IQCH: variants seen among roughly 807,000 people sequenced by gnomAD.
IQCH encodes the protein IQ motif containing H.
A neutral mutation model predicts 117.0 loss-of-function variants in IQCH; 98 were observed. The observed-to-expected ratio is 0.84, with a 90% CI of 0.71 to 0.99. The LOEUF is 0.99. Among genes scored for constraint, IQCH ranks in the 50% least tolerant of loss-of-function variants. The pLI, the probability that IQCH is intolerant of heterozygous loss-of-function variation, is 0.00. For missense variants in IQCH, 1,102 were observed against 1,243.8 expected (o/e 0.89, Z 1.72); for synonymous variants, 412 against 448.2 (o/e 0.92, Z 1.02).
At position 67,500,453 on chromosome 15, in the gene IQCH, C is replaced by A. The variant is rs1172588766; in HGVS notation, c.2971-180C>A. Among the ~76,000 whole-genome samples, 2 of 152,126 alleles carry A rather than the reference C, an allele frequency of 1.3e-5. No individual in the cohort carries two copies. The highest frequency in any genetic ancestry group is 2.9e-5 in the Non-Finnish European group (2 of 68,008). On this transcript the variant is annotated intron_variant, in intron 20 of 20. Transcript: ENST00000335894. The surrounding 1 kb of genome is among the most constrained non-coding windows in gnomAD (Gnocchi z 4.4). ...AAAAAGTTTTCCAAATTCTTACTCT[C>A]AATTTTTTTACTCATTTCAGCAAGA...
chr15:67,488,111 G>C (rs921512532), intron 18 of IQCH, among the ~76,000 whole-genome samples: 2 of 152,126 alleles, frequency 1.3e-5, no homozygotes, highest in East Asian at 1.9e-4. Flanking sequence ...CCAGCAGTTC[G>C]AGACCAGCCT....
At position 67,254,960 on chromosome 15, in the gene IQCH, C is replaced by T; in HGVS notation, c.51+13C>T. 6.2e-7 allele frequency: 1 copy of T among 1,611,592 alleles called. No individual in the cohort carries two copies. Among genetic ancestry groups the T allele is most frequent in the African/African-American group, 1.3e-5 (1 of 74,984 alleles). ...CATCTTAATCCAGGTGGGAAACGGGCTTCCCCCGGCCCTGCCCTGCCCAGC... is the reference window on the plus strand; with the variant it reads ...CATCTTAATCCAGGTGGGAAACGGGTTTCCCCCGGCCCTGCCCTGCCCAGC... On this transcript the variant is annotated intron_variant, in intron 1 of 20. Transcript: ENST00000335894.
chr15:67,315,245 T>G (rs1047836448), intron 4 of IQCH, among the ~76,000 whole-genome samples: 1 of 152,202 alleles, frequency 6.6e-6, no homozygotes, highest in African/African-American at 2.4e-5. Context: ...AGAATCCAGT[T>G]AGAAGGCTGC....
rs1324245829 is a variant in IQCH, at chr15:67,254,827, C to T, written c.-70C>T. 1 of 1,514,966 alleles carries T rather than the reference C, an allele frequency of 6.6e-7. No homozygotes were observed. The highest frequency in any genetic ancestry group is 9.1e-7 in the Non-Finnish European group (1 of 1,104,314). 93.8% of individuals were successfully genotyped at this position (1,514,966 alleles called of 1,614,324 possible). ...CGCGCGGTGTTGCCATGGGGACGAG[C>T]GGCTCCGGCTGAAGGTTTCCGTGCT... On this transcript the variant is annotated 5_prime_UTR_variant, in exon 1 of 21. Transcript: ENST00000335894.
intron 15 of IQCH, 45 bp from the exon 16 acceptor site, chr15:67,421,246 C>CA: frequency 6.5e-7 from 1 of 1,543,226 alleles, no homozygotes; most frequent in South Asian, 1.2e-5. Flanking sequence ...CCAAGTCAAA[C>CA]AAAATGCATG....
chr15:67,339,210 A>AG (rs1244136575), intron 5 of IQCH, among the ~76,000 whole-genome samples: 1 of 152,166 alleles, frequency 6.6e-6, no homozygotes, highest in African/African-American at 2.4e-5. Flanking sequence ...ATTCAACAGG[A>AG]AAGTAAGGGT....
Position 67,359,719 on chromosome 15 carries a change from A to G in IQCH, c.715-128A>G, listed in dbSNP as rs1970051699. On this transcript the variant is annotated intron_variant, in intron 7 of 20. Transcript: ENST00000335894. This position sits in a 1 kb window ranked among gnomAD's most constrained non-coding sequence, Gnocchi z 4.5. ...TAATTATTAGCTCCTGCCTGCGTGG[A>G]AAGAGAGAACAGGCTGGCCCAGCGG... 3.8e-6 allele frequency: 3 copies of G among 798,224 alleles called. No individual in the cohort carries two copies. Among genetic ancestry groups the G allele is most frequent in the Non-Finnish European group, 6.6e-6 (3 of 454,988 alleles). 49.4% of individuals were successfully genotyped at this position (798,224 alleles called of 1,614,324 possible).
intron 13 of IQCH, among the ~76,000 whole-genome samples, chr15:67,399,697 A>G (rs1452606305): frequency 2.0e-5 from 3 of 152,252 alleles, no homozygotes; most frequent in African/African-American, 7.2e-5. Context: ...CCAAACAGTT[A>G]AAGTTTTCAA....
At position 67,479,523 on chromosome 15, in the gene IQCH, T is replaced by C. The variant is rs929861767; in HGVS notation, c.2799+3705T>C. Among the ~76,000 whole-genome samples, 2 of 152,216 alleles carry C rather than the reference T, an allele frequency of 1.3e-5. No individual in the cohort carries two copies. Among genetic ancestry groups the C allele is most frequent in the Non-Finnish European group, 2.9e-5 (2 of 68,042 alleles). ...ATATATCCCCTCTAGGTACCTCTTATGTATTCTTCAGCTGGAGAAACACAG... is the reference window on the plus strand; with the variant it reads ...ATATATCCCCTCTAGGTACCTCTTACGTATTCTTCAGCTGGAGAAACACAG... On this transcript the variant is annotated intron_variant, in intron 18 of 20. Coordinates refer to ENST00000335894, the MANE Select transcript of IQCH (RefSeq NM_001031715.3). This position sits in a 1 kb window ranked among gnomAD's most constrained non-coding sequence, Gnocchi z 4.6.
At chr15:67,283,931 T>C (rs1470283919) in intron 4 of IQCH, among the ~76,000 whole-genome samples, 2 of 152,138 alleles carry the variant, frequency 1.3e-5, no homozygotes, top group East Asian at 1.9e-4. Context: ...ATAGTGGGTG[T>C]ACATATGTAT....
At chr15:67,324,862 G>A (rs1022852434) in intron 4 of IQCH, among the ~76,000 whole-genome samples, 2 of 151,870 alleles carry the variant, frequency 1.3e-5, no homozygotes, top group South Asian at 2.1e-4. Context: ...ACTTCCAGGG[G>A]TTTGATTATC....
Position 67,406,242 on chromosome 15 carries a change from T to C in IQCH, c.2097+5937T>C, listed in dbSNP as rs973034201. 1 of 152,244 alleles carries C rather than the reference T, an allele frequency of 6.6e-6. No homozygotes were observed. Among genetic ancestry groups the C allele is most frequent in the African/African-American group, 2.4e-5 (1 of 41,462 alleles). 9.4% of individuals were successfully genotyped at this position (152,244 alleles called of 1,614,324 possible). On this transcript the variant is annotated intron_variant, in intron 14 of 20. Coordinates refer to ENST00000335894, the MANE Select transcript of IQCH (RefSeq NM_001031715.3). This position sits in a 1 kb window ranked among gnomAD's most constrained non-coding sequence, Gnocchi z 4.5. Reference sequence around the variant, plus strand: ...GGTAAGCATTTAAAACCCTTGTTTTTAGCCCAGTGCAGTCGATCACTCCTG... The same window carrying C: ...GGTAAGCATTTAAAACCCTTGTTTTCAGCCCAGTGCAGTCGATCACTCCTG...
rs1165003996 is a variant in IQCH, at chr15:67,421,334, C to T, written c.2262C>T (p.Asn754=). 2 of 1,614,186 alleles carry T rather than the reference C, an allele frequency of 1.2e-6. No homozygotes were observed. Among genetic ancestry groups the T allele is most frequent in the Non-Finnish European group, 1.7e-6 (2 of 1,180,016 alleles). Residue 754 remains asparagine (N), a synonymous_variant, in exon 16 of 21, where the codon AAC becomes AAT. Transcript: ENST00000335894. ...TCCCACCTGCAGACAATGTCACCAA[C>T]CTCACAGTGGACATGCTGATAGAGC... is the stretch of plus-strand genomic sequence containing the variant. ...EAFPPADNVT[N]LTVDMLIEPN...
chr15:67,467,208 G>A lies in IQCH; in HGVS notation c.2676+1911G>A, dbSNP rs1596448426. Among the ~76,000 whole-genome samples the A allele has an allele frequency of 6.6e-6, 1 of 152,138 alleles. No homozygotes were observed. The highest frequency in any genetic ancestry group is 1.5e-5 in the Non-Finnish European group (1 of 68,020). On this transcript the variant is annotated intron_variant, in intron 17 of 20. Transcript: ENST00000335894. This position sits in a 1 kb window ranked among gnomAD's most constrained non-coding sequence, Gnocchi z 5.7. ...ATTGTACTCCAGCCTAGTTGACAGA[G>A]TGAGACTCTGTCTCAAAAAATAAAA... is the stretch of plus-strand genomic sequence containing the variant.
In IQCH at chr15:67,395,633, A is replaced by G; in HGVS notation, c.1905+70A>G. 1 of 1,492,628 alleles carries G rather than the reference A, an allele frequency of 6.7e-7. No homozygotes were observed. Among genetic ancestry groups the G allele is most frequent in the Non-Finnish European group, 9.2e-7 (1 of 1,089,528 alleles). The allele number at this position is 1,492,628 out of a possible 1,614,324, so 92.5% of individuals were successfully genotyped here. ...ATCCTCTTGATCTTGGACAATTTCC[A>G]AGTCTTCTGGAGCCAGACCTACCCA... On this transcript the variant is annotated intron_variant, in intron 13 of 20. Transcript: ENST00000335894. The surrounding 1 kb of genome is among the most constrained non-coding windows in gnomAD (Gnocchi z 4.0).
chr15:67,288,861 G>T (rs1233143518), intron 4 of IQCH, among the ~76,000 whole-genome samples: 1 of 152,068 alleles, frequency 6.6e-6, no homozygotes, highest in Admixed American at 6.6e-5. Context: ...AAGCACTGTG[G>T]GCTACAGAAT....
At chr15:67,320,972 G>A (rs1390546809) in intron 4 of IQCH, among the ~76,000 whole-genome samples, 1 of 152,162 alleles carries the variant, frequency 6.6e-6, no homozygotes, top group African/African-American at 2.4e-5. Context: ...AGTTAGCAAT[G>A]TTTCCCAAAC....
Position 67,365,133 on chromosome 15 carries a change from A to G in IQCH, c.753+5248A>G, listed in dbSNP as rs559436619. Among the ~76,000 whole-genome samples the G allele has an allele frequency of 6.6e-6, 1 of 152,202 alleles. No homozygotes were observed. Among genetic ancestry groups the G allele is most frequent in the East Asian group, 1.9e-4 (1 of 5,160 alleles). On this transcript the variant is annotated intron_variant, in intron 8 of 20. Coordinates refer to ENST00000335894, the MANE Select transcript of IQCH (RefSeq NM_001031715.3). This position sits in a 1 kb window ranked among gnomAD's most constrained non-coding sequence, Gnocchi z 4.4. ...ATTTTTCTGGCATTTCTTTGTCGAGATGGGGTTTTACCATGTTGCCCAGGC... is the reference window on the plus strand; with the variant it reads ...ATTTTTCTGGCATTTCTTTGTCGAGGTGGGGTTTTACCATGTTGCCCAGGC...
chr15:67,375,780 G>A (rs1289613524), intron 10 of IQCH, among the ~76,000 whole-genome samples: 1 of 127,650 alleles, frequency 7.8e-6, no homozygotes, highest in Non-Finnish European at 1.6e-5. Context: ...TCTTTGTTTT[G>A]GATTTTTTTT....
Sources: allele counts gnomAD v4.1 joint callset (sites outside exome capture counted in the v4.1 genomes callset), GRCh38; gene constraint gnomAD v4.1.1; non-coding constraint Gnocchi (gnomAD v3.1); transcripts MANE v1.5; gene names NCBI Gene and HGNC (gene_info 2026-07-23, HGNC 2026-07-21).